Variants in RBM6 observed in about 807,000 individuals in gnomAD.
RBM6 encodes RNA-binding protein 6.
A neutral mutation model predicts 140.4 loss-of-function variants in RBM6; 23 were observed. The observed-to-expected ratio is 0.16, with a 90% confidence interval of 0.12 to 0.23. RBM6 has a LOEUF of 0.23. RBM6 is among the 10% of genes least tolerant of loss of function. The pLI is 1.00. For synonymous variants in RBM6, 439 were observed against 475.6 expected (o/e 0.92, Z 1.00); for missense variants, 1,139 against 1,386.7 (o/e 0.82, Z 2.84).
Position 50,077,114 on chromosome 3 carries a change from G to C in RBM6, c.3353G>C (p.Arg1118Pro). The change falls in exon 21 of 21, where the codon CGA (arginine) becomes CCA (proline). Residue 1118 changes from arginine (R) to proline (P), a missense_variant. Arg to Pro is a moderately radical substitution (Grantham distance 103). Coordinates refer to ENST00000266022, the MANE Select transcript of RBM6 (RefSeq NM_005777.3). ...RDAVRRVMFA[R>P]YKELD The stretch of plus-strand genomic sequence containing the variant: ...GCTGTTCGAAGAGTCATGTTTGCTC[G>C]ATATAAAGAACTCGATTAAGAAAGG... 1 of 1,611,616 alleles carries C rather than the reference G, an allele frequency of 6.2e-7. No individual in the cohort carries two copies.
intron 5 of RBM6, among the ~76,000 whole-genome samples, chr3:49,981,264 G>T (rs2085295539): frequency 6.6e-6 from 1 of 152,140 alleles, no homozygotes; most frequent in Non-Finnish European, 1.5e-5. Context: ...AACAGCTTAT[G>T]TCAAGTAAAC....
chr3:50,017,306 C>T (rs2087215349), intron 6 of RBM6, among the ~76,000 whole-genome samples: 1 of 151,968 alleles, frequency 6.6e-6, no homozygotes, highest in African/African-American at 2.4e-5. Context: ...GCCTGTAATC[C>T]CAACACTTTG....
At chr3:50,014,034 A>G (rs1220785592) in intron 6 of RBM6, among the ~76,000 whole-genome samples, 1 of 152,140 alleles carries the variant, frequency 6.6e-6, no homozygotes, top group African/African-American at 2.4e-5. Context: ...TGGCCCAAAA[A>G]TCTCTATTGC....
At chr3:50,033,273 G>C (rs983762244) in intron 6 of RBM6, among the ~76,000 whole-genome samples, 2 of 152,068 alleles carry the variant, frequency 1.3e-5, no homozygotes, top group African/African-American at 4.8e-5. Flanking sequence ...CTCCAGCCTG[G>C]GTGACAGAGT....
chr3:49,994,005 G>T (rs1487539461), intron 5 of RBM6, among the ~76,000 whole-genome samples: 1 of 152,194 alleles, frequency 6.6e-6, no homozygotes, highest in Non-Finnish European at 1.5e-5. Flanking sequence ...CTTCCCTGAT[G>T]ATAATTTGAC....
chr3:50,046,558 A>C (rs1017827350), intron 6 of RBM6, among the ~76,000 whole-genome samples: 4 of 151,344 alleles, frequency 2.6e-5, no homozygotes, highest in African/African-American at 4.9e-5. Context: ...CAGCCTGGGC[A>C]ACAAGAGCGA....
chr3:49,966,890 T>C (rs918559122), intron 2 of RBM6, among the ~76,000 whole-genome samples: 2 of 152,204 alleles, frequency 1.3e-5, no homozygotes, highest in Non-Finnish European at 2.9e-5. Flanking sequence ...TGAACACTGG[T>C]GTGCTTGTTC....
At chr3:49,997,839 A>G (rs1190109040) in intron 5 of RBM6, among the ~76,000 whole-genome samples, 2 of 152,240 alleles carry the variant, frequency 1.3e-5, no homozygotes, top group African/African-American at 2.4e-5. Context: ...GAATTAACTA[A>G]CAAAGCAGTT....
rs1175814411 is a variant in RBM6 at position 50,065,138 on chromosome 3, A to G, written c.2682+12A>G. ...AGAGTCCCCCTCCAGTAAGACCAAC[A>G]TTGATCCCCTGGACCTAGGGCTGGG... On this transcript the variant is annotated intron_variant, in intron 16 of 20. Coordinates refer to ENST00000266022, the MANE Select transcript of RBM6 (RefSeq NM_005777.3). The G allele has an allele frequency of 8.8e-6, 14 of 1,591,608 alleles. No homozygotes were observed. The highest frequency in any genetic ancestry group is 1.1e-5 in the Non-Finnish European group (13 of 1,161,802).
intron 6 of RBM6, among the ~76,000 whole-genome samples, chr3:50,021,926 C>T (rs1436658760): frequency 2.0e-5 from 3 of 151,008 alleles, no homozygotes; most frequent in African/African-American, 4.9e-5. Flanking sequence ...TGTTTTTGTA[C>T]CTATCGTAGC....
At chr3:49,995,325 G>A (rs1287379469) in intron 5 of RBM6, among the ~76,000 whole-genome samples, 1 of 152,052 alleles carries the variant, frequency 6.6e-6, no homozygotes, top group African/African-American at 2.4e-5. Flanking sequence ...CAGCACTGAG[G>A]CAGGCAGATC....
At chr3:50,024,590 T>C (rs1469144062) in intron 6 of RBM6, among the ~76,000 whole-genome samples, 2 of 152,080 alleles carry the variant, frequency 1.3e-5, no homozygotes, top group Non-Finnish European at 2.9e-5. Context: ...AACTGCGATT[T>C]GTTCATTTTC....
intron 13 of RBM6, 78 bp from the exon 14 acceptor site, chr3:50,061,384 T>G (rs2089936917): frequency 6.3e-7 from 1 of 1,579,002 alleles, no homozygotes; most frequent in Non-Finnish European, 8.6e-7. Context: ...TCACCCTAAT[T>G]CTTGGGTTCT....
intron 6 of RBM6, among the ~76,000 whole-genome samples, chr3:50,007,015 A>G (rs913938055): frequency 6.6e-6 from 1 of 152,072 alleles, no homozygotes; most frequent in Non-Finnish European, 1.5e-5. Flanking sequence ...CTCATCTGAA[A>G]CAAAGTCTTA....
intron 3 of RBM6, 124 bp downstream of exon 3, chr3:49,968,872 T>C: frequency 2.5e-6 from 3 of 1,223,428 alleles, no homozygotes; most frequent in South Asian, 3.4e-5. Flanking sequence ...CTCCGCCTCC[T>C]GGGTTCATGC....
In RBM6 at chr3:50,033,893, G is replaced by A. The variant is rs140888612; in HGVS notation, c.1558-14352G>A. Among the ~76,000 whole-genome samples, 925 of 152,144 alleles carry A rather than the reference G, an allele frequency of 6.1e-3. 10 individuals carry two copies. The highest frequency in any genetic ancestry group is 0.021 in the African/African-American group (873 of 41,530). On this transcript the variant is annotated intron_variant, in intron 6 of 20. Coordinates refer to ENST00000266022, the MANE Select transcript of RBM6 (RefSeq NM_005777.3). ...CCGACCTCGTGATCCCCCTGCCTTG[G>A]CCTCCCAAAGTGGTAGGATTACAGG... is the stretch of plus-strand genomic sequence containing the variant.
At chr3:50,072,901 T>C (rs920198913) in intron 19 of RBM6, among the ~76,000 whole-genome samples, 1 of 152,154 alleles carries the variant, frequency 6.6e-6, no homozygotes, top group African/African-American at 2.4e-5. Context: ...TTATACCACA[T>C]TCTCCTGGCT....
At position 49,967,523 on chromosome 3, in the gene RBM6, C is replaced by T; in HGVS notation, c.98C>T (p.Pro33Leu). ...APGWNRDYPP[P>L]PLKSHAQERH... is the part of the protein sequence containing the mutation. ...GGGTGGAACAGGGATTATCCTCCTC[C>T]TCCCCTTAAGAGTCATGCTCAAGAG... The change falls in exon 3 of 21, where the codon CCT becomes CTT. Residue 33 changes from proline to leucine, a missense_variant. Transcript: ENST00000266022. This position sits in a 1 kb window ranked among gnomAD's most constrained non-coding sequence, Gnocchi z 4.0. 1.2e-6 allele frequency: 2 copies of T among 1,614,146 alleles called. No individual in the cohort carries two copies. The highest frequency in any genetic ancestry group is 1.7e-5 in the Admixed American group (1 of 59,994).
intron 6 of RBM6, among the ~76,000 whole-genome samples, chr3:50,022,062 A>T (rs2087521536): frequency 6.6e-6 from 1 of 151,962 alleles, no homozygotes; most frequent in African/African-American, 2.4e-5. Context: ...TCAAAAAGGA[A>T]AAAAAAGAAA....
Sources: allele counts gnomAD v4.1 joint callset (sites outside exome capture counted in the v4.1 genomes callset), GRCh38; gene constraint gnomAD v4.1.1; non-coding constraint Gnocchi (gnomAD v3.1); transcripts MANE v1.5; gene names NCBI Gene and HGNC (gene_info 2026-07-23, HGNC 2026-07-21).